AXL: variants seen among roughly 807,000 people sequenced by gnomAD.
AXL encodes the protein tyrosine-protein kinase receptor UFO.
A neutral mutation model predicts 104.5 loss-of-function variants in AXL; 52 were observed. The observed-to-expected ratio is 0.50, with a 90% CI of 0.40 to 0.63. The LOEUF (loss-of-function observed/expected upper bound fraction) is 0.63, where lower values mean the gene tolerates loss of function less well. Ranked by LOEUF, AXL falls within the 20% of genes least tolerant of loss-of-function variation. AXL has a pLI of 0.00. For missense variants in AXL, 1,024 were observed against 1,188.5 expected (o/e 0.86, Z 2.04); for synonymous variants, 455 against 473.7 (o/e 0.96, Z 0.51).
At chr19:41,255,089 C>G (rs547328358) in intron 17 of AXL, among the ~76,000 whole-genome samples, 2 of 152,312 alleles carry the variant, frequency 1.3e-5, no homozygotes, top group East Asian at 1.9e-4. Flanking sequence ...CAAGTGGTAC[C>G]CACTATCCTG....
At chr19:41,221,633 C>T (rs907875195) in intron 3 of AXL, 1 of 544,092 alleles carries the variant, frequency 1.8e-6, no homozygotes, top group Non-Finnish European at 3.2e-6. Flanking sequence ...TGAGGATGAG[C>T]TGTCAGACAT....
At chr19:41,230,669 G>A in intron 4 of AXL, among the ~76,000 whole-genome samples, 1 of 151,506 alleles carries the variant, frequency 6.6e-6, no homozygotes, top group African/African-American at 2.4e-5. Context: ...GTAAGAATGT[G>A]TGTGTGAGAC....
intron 9 of AXL, among the ~76,000 whole-genome samples, 184 bp from the exon 10 acceptor site, chr19:41,239,508 CCG>C (rs1400976318): frequency 1.3e-5 from 2 of 151,724 alleles, no homozygotes. Context: ...ACTCCTTTAC[CCG>C]TGCCACACCC....
In AXL at chr19:41,223,243, C is replaced by T. The variant is rs182755785; in HGVS notation, c.586+1187C>T. On this transcript the variant is annotated intron_variant, in intron 4 of 19. Transcript: ENST00000301178. ...CCGGGAGATGGAGGTTGCAGTGAGC[C>T]GAGATCACACCACTGCACTCCAGCC... Among the ~76,000 whole-genome samples, 4 of 151,922 alleles carry T rather than the reference C, an allele frequency of 2.6e-5. No homozygotes were observed. In the East Asian group the frequency reaches 5.8e-4, roughly 22 times the overall value.
At chr19:41,242,170 C>T (rs2034192872) in intron 10 of AXL, among the ~76,000 whole-genome samples, 1 of 152,044 alleles carries the variant, frequency 6.6e-6, no homozygotes, top group Non-Finnish European at 1.5e-5. Flanking sequence ...ATATCCATTC[C>T]ACTCTTCTGT....
chr19:41,235,307 T>C (rs1187553358), intron 6 of AXL, among the ~76,000 whole-genome samples: 2 of 151,938 alleles, frequency 1.3e-5, no homozygotes, highest in Non-Finnish European at 2.9e-5. Flanking sequence ...GCCGAGATCA[T>C]GCCATTGTAC....
At chr19:41,247,513 A>AC (rs1568416105) in intron 12 of AXL, among the ~76,000 whole-genome samples, 2 of 152,200 alleles carry the variant, frequency 1.3e-5, no homozygotes, top group Non-Finnish European at 2.9e-5. Flanking sequence ...CAAAAAAAAA[A>AC]AGAAAAGAAA....
At chr19:41,249,208 G>A (rs1029373585) in intron 14 of AXL, among the ~76,000 whole-genome samples, 2 of 152,100 alleles carry the variant, frequency 1.3e-5, no homozygotes, top group African/African-American at 4.8e-5. Flanking sequence ...GGGAGGCCGA[G>A]GCAGCAGATC....
Position 41,220,687 on chromosome 19 carries a change from G to C in AXL, c.137G>C (p.Gly46Ala), listed in dbSNP as rs1339361889. The change falls in exon 2 of 20, where the codon GGT becomes GCT. Residue 46 changes from glycine to alanine, a missense_variant. Coordinates refer to ENST00000301178, the MANE Select transcript of AXL (RefSeq NM_021913.5). ...GTGGGCAACCCAGGGAATATCACAG[G>C]TGCCCGGGGACTCACGGGCACCCTT... ...PFVGNPGNIT[G>A]ARGLTGTLRC... 1 of 1,610,776 alleles carries C rather than the reference G, an allele frequency of 6.2e-7. No homozygotes were observed. Among genetic ancestry groups the C allele is most frequent in the Admixed American group, 1.7e-5 (1 of 59,456 alleles).
intron 10 of AXL, among the ~76,000 whole-genome samples, chr19:41,240,782 C>T (rs977727742): frequency 8.5e-5 from 13 of 152,128 alleles, no homozygotes; most frequent in African/African-American, 1.7e-4. Context: ...ACCTTGTATG[C>T]ACTTACCATA....
chr19:41,237,035 A>C (rs2034092512), intron 6 of AXL, among the ~76,000 whole-genome samples: 1 of 152,136 alleles, frequency 6.6e-6, no homozygotes, highest in Non-Finnish European at 1.5e-5. Flanking sequence ...TGGTCCAAGA[A>C]AGTCAAAAGA....
intron 4 of AXL, among the ~76,000 whole-genome samples, chr19:41,222,910 G>GA (rs66609523): frequency 3.7e-3 from 377 of 101,848 alleles, no homozygotes; most frequent in African/African-American, 0.011. Flanking sequence ...CATCTCAAAA[G>GA]AAAAAAAAAA....
In AXL at chr19:41,248,702, C is replaced by T. The variant is rs576317606; in HGVS notation, c.1634-41C>T. 164 of 1,612,550 alleles carry T rather than the reference C, an allele frequency of 1.0e-4. No individual in the cohort carries two copies. The Middle Eastern group carries it at 1.7e-3, about 16-fold the overall frequency. On this transcript the variant is annotated intron_variant, in intron 13 of 19. Transcript: ENST00000301178. ...CCAACTATAGGAAATACAGTCCCCACGGGCCCTCTGAGGTCAGTGTCTCCC... is the reference window on the plus strand; with the variant it reads ...CCAACTATAGGAAATACAGTCCCCATGGGCCCTCTGAGGTCAGTGTCTCCC...
chr19:41,250,725 G>A (rs1433145435), intron 14 of AXL, among the ~76,000 whole-genome samples: 2 of 152,160 alleles, frequency 1.3e-5, no homozygotes, highest in Non-Finnish European at 2.9e-5. Context: ...ACAGGTGTGA[G>A]CCACCACACC....
intron 6 of AXL, among the ~76,000 whole-genome samples, chr19:41,236,742 A>G (rs912838622): frequency 2.0e-5 from 3 of 151,426 alleles, no homozygotes; most frequent in African/African-American, 4.9e-5. Flanking sequence ...TCACCACTGC[A>G]CTATAGCCTG....
chr19:41,233,287 G>T (rs1460571438), intron 6 of AXL, among the ~76,000 whole-genome samples: 1 of 152,030 alleles, frequency 6.6e-6, no homozygotes, highest in East Asian at 1.9e-4. Flanking sequence ...ACCGCGCTGG[G>T]CCCTGAGAAA....
intron 4 of AXL, among the ~76,000 whole-genome samples, chr19:41,225,764 G>C (rs568887252): frequency 3.3e-5 from 5 of 152,246 alleles, no homozygotes; most frequent in African/African-American, 1.2e-4. Flanking sequence ...TCTGTGTGCC[G>C]TTAACTTACC....
At chr19:41,220,040 T>A (rs959967087) in intron 1 of AXL, among the ~76,000 whole-genome samples, 5 of 151,894 alleles carry the variant, frequency 3.3e-5, no homozygotes, top group African/African-American at 1.2e-4. Flanking sequence ...TTTCACAGTC[T>A]CTGCCTTTAT....
chr19:41,227,685 C>T (rs2033907697), intron 4 of AXL, among the ~76,000 whole-genome samples: 1 of 151,958 alleles, frequency 6.6e-6, no homozygotes, highest in South Asian at 2.1e-4. Flanking sequence ...ACGGGGGTTT[C>T]ACTGTGTTGC....
Sources: gnomAD v4.1 joint callset for allele counts (sites outside exome capture counted in the v4.1 genomes callset) on GRCh38, gnomAD v4.1.1 for gene constraint, MANE v1.5 for transcripts, NCBI Gene and HGNC (gene_info 2026-07-23, HGNC 2026-07-21) for gene names.